The following ZNF235 variants were observed in gnomAD, a reference collection of about 807,000 sequenced individuals.
ZNF235 encodes the protein zinc finger protein 235.
In ZNF235, 25 loss-of-function variants were observed where a neutral mutation model predicts 29.4. That is an observed-to-expected ratio of 0.85 (90% CI 0.62 to 1.19). ZNF235 has a LOEUF of 1.19. Ranked by LOEUF, ZNF235 falls within the 50% of genes most tolerant of loss-of-function variation. The pLI, the probability that ZNF235 is intolerant of heterozygous loss-of-function variation, is 0.00. For missense variants in ZNF235, 788 were observed against 885.0 expected (o/e 0.89, Z 1.39); for synonymous variants, 300 against 295.3 (o/e 1.02, Z -0.16).
intron 4 of ZNF235, among the ~76,000 whole-genome samples, chr19:44,291,644 G>A (rs1374647270): frequency 6.6e-6 from 1 of 152,062 alleles, no homozygotes; most frequent in Non-Finnish European, 1.5e-5. Flanking sequence ...GGCAATAAAT[G>A]CAACAATGCA....
At chr19:44,304,315 G>C (rs1026227841) in intron 1 of ZNF235, among the ~76,000 whole-genome samples, 7 of 152,116 alleles carry the variant, frequency 4.6e-5, no homozygotes, top group African/African-American at 1.7e-4. Context: ...GACACCTCTG[G>C]CACTCTGCAA....
intron 2 of ZNF235, among the ~76,000 whole-genome samples, chr19:44,300,577 C>A (rs912595133): frequency 2.0e-5 from 3 of 152,120 alleles, no homozygotes; most frequent in Admixed American, 6.6e-5. Context: ...CAATGGCTCA[C>A]TTCTGTAATC....
chr19:44,289,215 T>C lies in ZNF235; in HGVS notation c.239-19A>G. On this transcript the variant is annotated intron_variant, in intron 4 of 4. Transcript: ENST00000291182. ...CTGTCTCCTGAAAGGATAGAGAGAATAAGGAATAAAGGACCAAGAGACTGA... is the reference window on the plus strand; with the variant it reads ...CTGTCTCCTGAAAGGATAGAGAGAACAAGGAATAAAGGACCAAGAGACTGA... 1 of 1,593,476 alleles carries C rather than the reference T, an allele frequency of 6.3e-7. No individual in the cohort carries two copies. Among genetic ancestry groups the C allele is most frequent in the Non-Finnish European group, 8.5e-7 (1 of 1,169,814 alleles).
intron 4 of ZNF235, chr19:44,297,126 T>G (rs1975664324): frequency 1.3e-5 from 2 of 155,996 alleles, no homozygotes; most frequent in South Asian, 2.0e-4. Context: ...CTTGCTGCCT[T>G]CTTCAGGAAT....
intron 2 of ZNF235, among the ~76,000 whole-genome samples, chr19:44,300,308 T>C (rs1259686470): frequency 1.3e-5 from 2 of 152,088 alleles, no homozygotes; most frequent in East Asian, 3.9e-4. Context: ...TATAAGAACT[T>C]AGGACAGTGT....
At chr19:44,300,326 A>G (rs1975717931) in intron 2 of ZNF235, among the ~76,000 whole-genome samples, 1 of 152,240 alleles carries the variant, frequency 6.6e-6, no homozygotes, top group African/African-American at 2.4e-5. Flanking sequence ...TGTGTGACAT[A>G]CAGTAAGTAC....
chr19:44,292,795 T>A (rs1046155699), intron 4 of ZNF235, among the ~76,000 whole-genome samples: 1 of 151,946 alleles, frequency 6.6e-6, no homozygotes, highest in African/African-American at 2.4e-5. Context: ...CATACAGTCA[T>A]CAGACTAAGG....
rs1192586854 is a variant in ZNF235 at position 44,288,837 on chromosome 19, G to T, written c.598C>A (p.Gln200Lys). ...ETQNYQRSCKQTQMKNKLCIF... is the reference protein window; with the variant it reads ...ETQNYQRSCKKTQMKNKLCIF... ...CATAGTTTGTTTTTCATCTGAGTCT[G>T]CTTACAACTTCTCTGATAATTCTGT... The change falls in exon 5 of 5, where the codon CAG becomes AAG. Residue 200 changes from glutamine (Q) to lysine (K), a missense_variant. Coordinates refer to ENST00000291182, the MANE Select transcript of ZNF235 (RefSeq NM_004234.4). The T allele has an allele frequency of 3.1e-6, 5 of 1,613,130 alleles. No homozygotes were observed. Among genetic ancestry groups the T allele is most frequent in the Non-Finnish European group, 4.2e-6 (5 of 1,179,374 alleles).
intron 2 of ZNF235, among the ~76,000 whole-genome samples, chr19:44,303,055 A>C (rs1418809087): frequency 2.1e-5 from 3 of 139,662 alleles, no homozygotes; most frequent in Non-Finnish European, 3.1e-5. Flanking sequence ...CATTTATATA[A>C]AATATACGTA....
rs757174119 is a variant in ZNF235 at position 44,298,825 on chromosome 19, T to C, written c.221A>G (p.Gln74Arg). 5 of 1,613,742 alleles carry C rather than the reference T, an allele frequency of 3.1e-6. No individual in the cohort carries two copies. Among genetic ancestry groups the C allele is most frequent in the Non-Finnish European group, 3.4e-6 (4 of 1,179,732 alleles). ...EKLWMKELQT[Q>R]RGKHSGDRNQ... The stretch of plus-strand genomic sequence containing the variant: ...GTACTCACCTGAATGCTTACCTCTT[T>C]GGGTTTGAAGCTCCTTCATCCAAAG... Residue 74 changes from glutamine to arginine, a missense_variant, in exon 4 of 5, where the codon CAA (glutamine) becomes CGA (arginine). Gln to Arg is a conservative substitution (Grantham distance 43, BLOSUM62 1). Coordinates refer to ENST00000291182, the MANE Select transcript of ZNF235 (RefSeq NM_004234.4).
At chr19:44,289,659 A>C (rs1975558867) in intron 4 of ZNF235, 1 of 152,880 alleles carries the variant, frequency 6.5e-6, no homozygotes, top group South Asian at 2.1e-4. Context: ...AGAATAGGAC[A>C]AGAGGTAGAA....
At chr19:44,300,433 T>A (rs577780102) in intron 2 of ZNF235, among the ~76,000 whole-genome samples, 1 of 152,366 alleles carries the variant, frequency 6.6e-6, no homozygotes, top group African/African-American at 2.4e-5. Context: ...ATCTACAATA[T>A]ATTTAACCAT....
rs199653452 is a variant in ZNF235 at position 44,288,639 on chromosome 19, T to A, written c.796A>T (p.Asn266Tyr). ...TCATTGAAGGCTTCTTCACATTCAT[T>A]ACCCTGGTAGGTTTTCTGTCCTGTG... Reference protein sequence around the residue: ...IHTGQKTYQGNECEEAFNDSS... With the variant: ...IHTGQKTYQGYECEEAFNDSS... Residue 266 changes from asparagine (N) to tyrosine (Y), a missense_variant, in exon 5 of 5, where the codon AAT (asparagine) becomes TAT (tyrosine). Transcript: ENST00000291182. 5 of 1,614,072 alleles carry A rather than the reference T, an allele frequency of 3.1e-6. No individual in the cohort carries two copies. The highest frequency in any genetic ancestry group is 4.2e-6 in the Non-Finnish European group (5 of 1,179,978).
rs764082742 is a variant in ZNF235 at position 44,288,861 on chromosome 19, G to T, written c.574C>A (p.Gln192Lys). Residue 192 changes from glutamine to lysine, a missense_variant, in exon 5 of 5, where the codon CAG becomes AAG. Gln to Lys is a moderately conservative substitution (Grantham distance 53). Coordinates refer to ENST00000291182, the MANE Select transcript of ZNF235 (RefSeq NM_004234.4). ...TGCTTACAACTTCTCTGATAATTCT[G>T]TGTCTCATTCAGATATATTTTACTC... Reference protein sequence around the residue: ...SWSKIYLNETQNYQRSCKQTQ... With the variant: ...SWSKIYLNETKNYQRSCKQTQ... The T allele has an allele frequency of 3.1e-6, 5 of 1,613,320 alleles. No individual in the cohort carries two copies. In the African/African-American group the frequency reaches 6.7e-5, roughly 22 times the overall value.
At chr19:44,297,718 C>T (rs866138190) in intron 4 of ZNF235, among the ~76,000 whole-genome samples, 1 of 152,196 alleles carries the variant, frequency 6.6e-6, no homozygotes, top group Admixed American at 6.5e-5. Flanking sequence ...CCACCTTGTC[C>T]TCCCAAAGTG....
intron 3 of ZNF235, 140 bp downstream of exon 3, chr19:44,299,466 G>C: frequency 9.7e-7 from 1 of 1,032,694 alleles, no homozygotes; most frequent in Non-Finnish European, 1.4e-6. Flanking sequence ...CCTTGAACAA[G>C]GGGACAGAGG....
intron 2 of ZNF235, 88 bp downstream of exon 2, chr19:44,303,302 C>T: frequency 6.9e-7 from 1 of 1,452,190 alleles, no homozygotes; most frequent in East Asian, 2.3e-5. Context: ...CTTTCGTTCC[C>T]TTTTACTGTT....
rs1419164422 is a variant in ZNF235 at position 44,288,288 on chromosome 19, C to G, written c.1147G>C (p.Gly383Arg). Reference sequence around the variant, plus strand: ...TTAAGATCTGTGCTACGACTGAAGCCCTTCCCACAACTGTCACATCTATAG... The same window carrying G: ...TTAAGATCTGTGCTACGACTGAAGCGCTTCCCACAACTGTCACATCTATAG... ...KPYRCDSCGK[G>R]FSRSTDLNIH... The change falls in exon 5 of 5, where the codon GGC (glycine) becomes CGC (arginine). Residue 383 changes from glycine to arginine, a missense_variant. Transcript: ENST00000291182. The G allele has an allele frequency of 6.2e-7, 1 of 1,614,058 alleles. No homozygotes were observed. Among genetic ancestry groups the G allele is most frequent in the East Asian group, 2.2e-5 (1 of 44,860 alleles).
rs755507517 is a variant in ZNF235 at position 44,288,922 on chromosome 19, A to G, written c.513T>C (p.Asn171=). The G allele has an allele frequency of 6.2e-7, 1 of 1,613,984 alleles. No homozygotes were observed. The highest frequency in any genetic ancestry group is 1.1e-5 in the South Asian group (1 of 91,082). Residue 171 remains asparagine (N), a synonymous_variant, in exon 5 of 5, where the codon AAT becomes AAC. Transcript: ENST00000291182. ...HIGDHSSIIE[N]QEFPTGKVPN... ...GAACTTTCCCAGTTGGAAATTCTTG[A>G]TTTTCAATGATACTGGAATGATCCC...
Sources: gnomAD v4.1 joint callset for allele counts (sites outside exome capture counted in the v4.1 genomes callset) on GRCh38, gnomAD v4.1.1 for gene constraint, MANE v1.5 for transcripts, NCBI Gene and HGNC (gene_info 2026-07-23, HGNC 2026-07-21) for gene names.